Variants in PHF21A observed in about 807,000 individuals in gnomAD.
PHF21A encodes BHC80a.
A neutral mutation model predicts 82.5 loss-of-function variants in PHF21A; 11 were observed. The ratio of observed to expected loss-of-function variants is 0.13; its 90% CI spans 0.08 to 0.22. The LOEUF (loss-of-function observed/expected upper bound fraction) is 0.22, where lower values mean the gene tolerates loss of function less well. Ranked by LOEUF, PHF21A falls within the 10% of genes least tolerant of loss-of-function variation. The pLI, the probability that PHF21A is intolerant of heterozygous loss-of-function variation, is 1.00. For synonymous variants in PHF21A, 297 were observed against 302.8 expected (o/e 0.98, Z 0.20); for missense variants, 579 against 837.8 (o/e 0.69, Z 3.81).
intron 6 of PHF21A, among the ~76,000 whole-genome samples, chr11:45,999,655 A>G (rs1372264763): frequency 6.6e-6 from 1 of 152,248 alleles, no homozygotes; most frequent in Non-Finnish European, 1.5e-5. Context: ...TAGAAGAGGA[A>G]GAACAATGTC....
chr11:46,011,994 T>G (rs542882712), intron 6 of PHF21A, among the ~76,000 whole-genome samples: 18 of 152,302 alleles, frequency 1.2e-4, no homozygotes, highest in South Asian at 4.1e-4. Flanking sequence ...CTTCTTTACT[T>G]CCTGTCCATC....
intron 10 of PHF21A, among the ~76,000 whole-genome samples, chr11:45,963,842 G>A (rs2093268022): frequency 6.6e-6 from 1 of 152,160 alleles, no homozygotes; most frequent in Admixed American, 6.5e-5. Context: ...ACTCTCAGTA[G>A]TTTAATACCA....
chr11:46,063,657 A>C (rs1323807975), intron 6 of PHF21A, among the ~76,000 whole-genome samples: 1 of 152,172 alleles, frequency 6.6e-6, no homozygotes, highest in African/African-American at 2.4e-5. Flanking sequence ...GTAATGGCTA[A>C]AACCACTTTA....
At chr11:45,950,162 T>A (rs764766209) in intron 12 of PHF21A, 44 bp downstream of exon 12, 1 of 1,426,174 alleles carries the variant, frequency 7.0e-7, no homozygotes, top group Admixed American at 1.9e-5. Context: ...GGAACAAAGC[T>A]GTGGGCCAGA....
chr11:45,998,377 A>G (rs887979943), intron 6 of PHF21A, among the ~76,000 whole-genome samples: 2 of 152,250 alleles, frequency 1.3e-5, no homozygotes, highest in African/African-American at 4.8e-5. Flanking sequence ...GTTTGAAGAC[A>G]ATATTAAATG....
chr11:46,088,814 C>T (rs567004952), intron 3 of PHF21A, among the ~76,000 whole-genome samples: 2 of 152,196 alleles, frequency 1.3e-5, no homozygotes, highest in African/African-American at 4.8e-5. Flanking sequence ...CTTTTCTGTT[C>T]TCAAATTCTC....
intron 6 of PHF21A, among the ~76,000 whole-genome samples, chr11:46,046,388 AT>A (rs1217192320): frequency 6.6e-6 from 1 of 152,216 alleles, no homozygotes; most frequent in East Asian, 1.9e-4. Flanking sequence ...AGAGATCAAT[AT>A]GGCAAAAGAG....
chr11:45,947,486 A>C (rs987515273), intron 14 of PHF21A, among the ~76,000 whole-genome samples: 4 of 152,254 alleles, frequency 2.6e-5, no homozygotes, highest in East Asian at 1.9e-4. Context: ...TGATGCCTAT[A>C]GTACAAAGAC....
At chr11:45,934,308 C>G in intron 18 of PHF21A, 83 bp from the exon 19 acceptor site, 1 of 1,380,790 alleles carries the variant, frequency 7.2e-7, no homozygotes, top group Non-Finnish European at 9.9e-7. Context: ...AGCGCCTTCT[C>G]TCTGCCCAGG....
chr11:46,084,166 C>T lies in PHF21A; in HGVS notation c.54G>A (p.Gln18=), dbSNP rs1235166104. Reference sequence around the variant, plus strand: ...GGGAGAAGCCAATAATACAACTTACCTGGTGAACCTGAATTTCCACTTTAA... The same window carrying T: ...GGGAGAAGCCAATAATACAACTTACTTGGTGAACCTGAATTTCCACTTTAA... ...EALKVEIQVH[Q]KLVAQMKQDP... Residue 18 remains glutamine, a splice_region_variant and synonymous_variant, in exon 4 of 19, where the codon CAG becomes CAA. Coordinates refer to ENST00000676320, the MANE Select transcript of PHF21A (RefSeq NM_001352027.3). The T allele has an allele frequency of 1.3e-6, 2 of 1,597,600 alleles. No individual in the cohort carries two copies. The highest frequency in any genetic ancestry group is 2.3e-5 in the East Asian group (1 of 43,546).
chr11:46,100,083 C>G (rs552448470), intron 1 of PHF21A, among the ~76,000 whole-genome samples: 1 of 152,230 alleles, frequency 6.6e-6, no homozygotes, highest in African/African-American at 2.4e-5. Context: ...GAAACAAAAA[C>G]CACAAAGAAA....
At chr11:46,042,386 T>C (rs1186012668) in intron 6 of PHF21A, among the ~76,000 whole-genome samples, 1 of 152,144 alleles carries the variant, frequency 6.6e-6, no homozygotes, top group South Asian at 2.1e-4. Flanking sequence ...TGTGTGATAG[T>C]GCAACTCCGG....
At chr11:46,022,659 A>C (rs572593216) in intron 6 of PHF21A, among the ~76,000 whole-genome samples, 77 of 152,248 alleles carry the variant, frequency 5.1e-4, no homozygotes, top group Non-Finnish European at 8.1e-4. Flanking sequence ...ACAAGGTCTC[A>C]CTATGTTACC....
chr11:45,950,084 T>C (rs2135481250), intron 12 of PHF21A, 122 bp downstream of exon 12: 4 of 728,510 alleles, frequency 5.5e-6, no homozygotes, highest in Non-Finnish European at 8.9e-6. Context: ...AAAGTCCACA[T>C]TGGCTGAATC....
At chr11:45,945,308 G>A (rs1381366061) in intron 15 of PHF21A, among the ~76,000 whole-genome samples, 1 of 152,196 alleles carries the variant, frequency 6.6e-6, no homozygotes, top group Non-Finnish European at 1.5e-5. Flanking sequence ...GTTTGTGGGT[G>A]AAGGGCTACT....
At chr11:46,012,272 C>T (rs549851001) in intron 6 of PHF21A, among the ~76,000 whole-genome samples, 4 of 152,286 alleles carry the variant, frequency 2.6e-5, no homozygotes, top group Admixed American at 2.0e-4. Context: ...ACTGACCATG[C>T]TCTTCTTGGG....
chr11:45,979,673 A>C, intron 7 of PHF21A, 87 bp downstream of exon 7: 1 of 1,586,280 alleles, frequency 6.3e-7, no homozygotes, highest in Non-Finnish European at 8.6e-7. Flanking sequence ...TGAGCTTAGT[A>C]TAGTGTGAGA....
intron 6 of PHF21A, among the ~76,000 whole-genome samples, chr11:46,040,933 A>G (rs1453107878): frequency 1.7e-5 from 2 of 119,200 alleles, no homozygotes; most frequent in Non-Finnish European, 3.5e-5. Context: ...ACACACACAC[A>G]CGCACGCACA....
intron 6 of PHF21A, among the ~76,000 whole-genome samples, chr11:46,038,125 T>C (rs1294211622): frequency 6.6e-6 from 1 of 151,762 alleles, no homozygotes; most frequent in Non-Finnish European, 1.5e-5. Context: ...TCTCTCTCTC[T>C]CTCTTTTTTT....
Sources: allele counts gnomAD v4.1 joint callset (sites outside exome capture counted in the v4.1 genomes callset), GRCh38; gene constraint gnomAD v4.1.1; transcripts MANE v1.5; gene names NCBI Gene and HGNC (gene_info 2026-07-23, HGNC 2026-07-21).